The following CEP126 variants were observed in gnomAD, a reference collection of about 807,000 sequenced individuals.
The protein encoded by CEP126 is centrosomal protein of 126 kDa.
CEP126 carries 74 observed loss-of-function variants against 107.8 expected under a neutral mutation model. That is an observed-to-expected ratio of 0.69 (90% CI 0.57 to 0.83). The LOEUF is 0.83. Ranked by LOEUF, CEP126 falls within the 40% of genes least tolerant of loss-of-function variation. The pLI, the probability that CEP126 is intolerant of heterozygous loss-of-function variation, is 0.00. For synonymous variants in CEP126, 449 were observed against 446.0 expected (o/e 1.01, Z -0.08); for missense variants, 1,237 against 1,281.9 (o/e 0.96, Z 0.53).
At position 101,997,739 on chromosome 11, in the gene CEP126, C is replaced by T; in HGVS notation, c.*96C>T. 5.2e-6 allele frequency: 8 copies of T among 1,539,968 alleles called. No individual in the cohort carries two copies. In the South Asian group the frequency reaches 6.8e-5, roughly 13 times the overall value. ...AACCAGCCATAGGAAAACATGTGAG[C>T]AACAACCCCCATGAACATTTGTCCT... On this transcript the variant is annotated 3_prime_UTR_variant, in exon 11 of 11. Transcript: ENST00000263468.
intron 6 of CEP126, among the ~76,000 whole-genome samples, chr11:101,972,603 C>A (rs1208044989): frequency 6.6e-6 from 1 of 152,004 alleles, no homozygotes; most frequent in Non-Finnish European, 1.5e-5. Context: ...GAGTTCGAGA[C>A]CAGCCTGGCC....
At chr11:101,983,545 G>A (rs1941281460) in intron 8 of CEP126, among the ~76,000 whole-genome samples, 1 of 152,172 alleles carries the variant, frequency 6.6e-6, no homozygotes, top group African/African-American at 2.4e-5. Context: ...TCAACAGGCT[G>A]GTTATAGAAA....
Position 101,997,631 on chromosome 11 carries a change from A to G in CEP126, c.3342A>G (p.Arg1114=). 2 of 1,613,930 alleles carry G rather than the reference A, an allele frequency of 1.2e-6. No individual in the cohort carries two copies. Among genetic ancestry groups the G allele is most frequent in the Non-Finnish European group, 1.7e-6 (2 of 1,179,876 alleles). The change falls in exon 11 of 11, where the codon AGA becomes AGG. Residue 1114 remains arginine, a synonymous_variant. Coordinates refer to ENST00000263468, the MANE Select transcript of CEP126 (RefSeq NM_020802.4). ...EKREDRTSSC[R]DKR is the part of the protein sequence containing the mutation. ...GAGAAGATAGAACCAGCAGCTGCAG[A>G]GACAAGAGATAATTCCAGCAGAATC...
chr11:101,946,775 G>T (rs74921757), intron 3 of CEP126, among the ~76,000 whole-genome samples: 151 of 151,398 alleles, frequency 1.0e-3, no homozygotes, highest in African/African-American at 3.5e-3. Flanking sequence ...CAGGAGAATT[G>T]CTTAAAAACC....
chr11:101,944,232 A>T, intron 2 of CEP126, 33 bp from the exon 3 acceptor site: 4 of 1,516,362 alleles, frequency 2.6e-6, no homozygotes, highest in Non-Finnish European at 3.5e-6. Context: ...CTTACCACCT[A>T]TTTCTGTTGC....
intron 2 of CEP126, among the ~76,000 whole-genome samples, chr11:101,938,163 A>AAAAAAAAAAAAAAAAAAAAAAAAAC (rs1940615256): frequency 7.0e-6 from 1 of 143,478 alleles, no homozygotes; most frequent in African/African-American, 2.5e-5. Flanking sequence ...CTGTCTCAAA[A>AAAAAAAAAAAAAAAAAAAAAAAAAC]AAAAAAAAAA....
intron 2 of CEP126, among the ~76,000 whole-genome samples, chr11:101,942,452 C>T (rs1940678479): frequency 6.6e-6 from 1 of 151,816 alleles, no homozygotes; most frequent in Non-Finnish European, 1.5e-5. Flanking sequence ...TTTCTGGGCT[C>T]TCTTTTCTAT....
At chr11:101,930,585 G>A (rs1276626175) in intron 2 of CEP126, among the ~76,000 whole-genome samples, 1 of 152,156 alleles carries the variant, frequency 6.6e-6, no homozygotes, top group Non-Finnish European at 1.5e-5. Flanking sequence ...ACCCCAACGG[G>A]TTGCCCCTGC....
chr11:101,962,533 G>A lies in CEP126; in HGVS notation c.1498G>A (p.Gly500Ser). 1.9e-6 allele frequency: 3 copies of A among 1,612,848 alleles called. No individual in the cohort carries two copies. Among genetic ancestry groups the A allele is most frequent in the Non-Finnish European group, 2.5e-6 (3 of 1,179,442 alleles). ...CSDKLDELKDGKEEEIKYFNC... is the reference protein window; with the variant it reads ...CSDKLDELKDSKEEEIKYFNC... ...TGATAAGTTAGATGAATTGAAAGAT[G>A]GTAAAGAAGAAGAGATAAAATATTT... Residue 500 changes from glycine (G) to serine (S), a missense_variant, in exon 6 of 11, where the codon GGT becomes AGT. Transcript: ENST00000263468.
chr11:101,957,994 C>T (rs1940921814), intron 4 of CEP126, among the ~76,000 whole-genome samples, 174 bp from the exon 5 acceptor site: 1 of 152,196 alleles, frequency 6.6e-6, no homozygotes, highest in Non-Finnish European at 1.5e-5. Context: ...TTTTATTCTA[C>T]TATTGATTGC....
intron 8 of CEP126, among the ~76,000 whole-genome samples, chr11:101,985,015 A>T (rs1158576666): frequency 1.3e-5 from 2 of 152,190 alleles, no homozygotes; most frequent in Non-Finnish European, 2.9e-5. Context: ...GACAGTGTGA[A>T]GGATACATCT....
chr11:101,926,813 G>A (rs1338211338), intron 2 of CEP126, among the ~76,000 whole-genome samples: 2 of 152,130 alleles, frequency 1.3e-5, no homozygotes, highest in Non-Finnish European at 2.9e-5. Context: ...TATAGTTTAT[G>A]ATAAAAGTGG....
chr11:101,963,637 C>T lies in CEP126; in HGVS notation c.2602C>T (p.Leu868=), dbSNP rs1044658219. The T allele has an allele frequency of 5.6e-6, 9 of 1,613,928 alleles. No homozygotes were observed. Among genetic ancestry groups the T allele is most frequent in the Middle Eastern group, 1.6e-4 (1 of 6,084 alleles). The change falls in exon 6 of 11, where the codon CTA becomes TTA. Residue 868 remains leucine (L), a synonymous_variant. Transcript: ENST00000263468. ...SSPLSNACSD[L]VTVIPSLPSY... is the part of the protein sequence containing the mutation. ...TCCACTCTCAAATGCTTGTTCTGAC[C>T]TAGTCACTGTGATACCATCACTGCC...
At chr11:101,988,743 C>T (rs186490810) in intron 9 of CEP126, among the ~76,000 whole-genome samples, 240 of 150,836 alleles carry the variant, frequency 1.6e-3, no homozygotes, top group African/African-American at 5.5e-3. Flanking sequence ...CAGACAAAAA[C>T]GAAGAGACTT....
intron 8 of CEP126, among the ~76,000 whole-genome samples, chr11:101,983,666 C>G (rs907373307): frequency 6.6e-6 from 1 of 152,176 alleles, no homozygotes; most frequent in Non-Finnish European, 1.5e-5. Context: ...TGATGAATAT[C>G]TGACACCAGA....
At chr11:101,987,086 C>T (rs754596666) in intron 9 of CEP126, 45 bp downstream of exon 9, 2 of 1,264,184 alleles carry the variant, frequency 1.6e-6, no homozygotes, top group African/African-American at 1.5e-5. Flanking sequence ...TGCATTTATA[C>T]TTAGACAATT....
chr11:101,957,391 C>T (rs139131169), intron 4 of CEP126, among the ~76,000 whole-genome samples: 1 of 152,206 alleles, frequency 6.6e-6, no homozygotes, highest in Non-Finnish European at 1.5e-5. Context: ...TCCCCCAAAA[C>T]TCTTCTTTAG....
At chr11:101,924,943 A>G (rs972661109) in intron 2 of CEP126, among the ~76,000 whole-genome samples, 3 of 151,930 alleles carry the variant, frequency 2.0e-5, no homozygotes, top group Non-Finnish European at 4.4e-5. Flanking sequence ...TATTTATTGC[A>G]TTTCTATTAG....
In CEP126 at chr11:101,963,488, T is replaced by G; in HGVS notation, c.2453T>G (p.Val818Gly). The change falls in exon 6 of 11, where the codon GTG becomes GGG. Residue 818 changes from valine to glycine, a missense_variant. Coordinates refer to ENST00000263468, the MANE Select transcript of CEP126 (RefSeq NM_020802.4). Reference protein sequence around the residue: ...SNIRSGKNIQVSQCQPVTPEN... With the variant: ...SNIRSGKNIQGSQCQPVTPEN... ...ATTAGAAGTGGTAAAAATATACAAGTGTCTCAGTGTCAACCAGTAACTCCT... is the reference window on the plus strand; with the variant it reads ...ATTAGAAGTGGTAAAAATATACAAGGGTCTCAGTGTCAACCAGTAACTCCT... 6.2e-7 allele frequency: 1 copy of G among 1,614,084 alleles called. No individual in the cohort carries two copies. Among genetic ancestry groups the G allele is most frequent in the Non-Finnish European group, 8.5e-7 (1 of 1,179,984 alleles).
Sources: gnomAD v4.1 joint callset for allele counts (sites outside exome capture counted in the v4.1 genomes callset) on GRCh38, gnomAD v4.1.1 for gene constraint, MANE v1.5 for transcripts, NCBI Gene and HGNC (gene_info 2026-07-23, HGNC 2026-07-21) for gene names.